Variants in TEK observed in about 807,000 individuals in gnomAD.
The protein encoded by TEK is angiopoietin-1 receptor.
In TEK, 43 loss-of-function variants were observed where a neutral mutation model predicts 131.8. The ratio of observed to expected loss-of-function variants is 0.33; its 90% confidence interval spans 0.26 to 0.42. The LOEUF (loss-of-function observed/expected upper bound fraction) is 0.42, where lower values mean the gene tolerates loss of function less well. TEK is among the 10% of genes least tolerant of loss of function. The pLI is 1.00. For missense variants in TEK, 1,162 were observed against 1,384.4 expected, an observed-to-expected ratio of 0.84 and a Z score of 2.55; for synonymous variants, 580 against 491.6, an observed-to-expected ratio of 1.18 and a Z score of -2.38.
chr9:27,143,969 C>G (rs1019436151), intron 1 of TEK, among the ~76,000 whole-genome samples: 1 of 152,144 alleles, frequency 6.6e-6, no homozygotes, highest in Non-Finnish European at 1.5e-5. Flanking sequence ...GCAATGCAGA[C>G]AGGGAGTATA....
chr9:27,206,831 G>A (rs1441752272), intron 15 of TEK, 39 bp downstream of exon 15: 1 of 1,600,330 alleles, frequency 6.2e-7, no homozygotes, highest in Admixed American at 1.7e-5. Flanking sequence ...TTGCGTGAGG[G>A]TGTGGAGAAA....
intron 20 of TEK, among the ~76,000 whole-genome samples, chr9:27,219,324 C>A (rs948581391): frequency 6.6e-6 from 1 of 152,186 alleles, no homozygotes; most frequent in Non-Finnish European, 1.5e-5. Context: ...GGAATGAGTT[C>A]GTGTCCTTTG....
chr9:27,218,923 T>A, intron 20 of TEK, 106 bp downstream of exon 20: 2 of 1,122,876 alleles, frequency 1.8e-6, no homozygotes, highest in Non-Finnish European at 2.7e-6. Context: ...TGTATGTGGT[T>A]CTACCAGATG....
At chr9:27,192,297 T>C (rs1215783988) in intron 10 of TEK, among the ~76,000 whole-genome samples, 192 bp from the exon 11 acceptor site, 3 of 152,156 alleles carry the variant, frequency 2.0e-5, no homozygotes, top group Non-Finnish European at 4.4e-5. Flanking sequence ...CATTGTAACC[T>C]GGAAACATTT....
intron 1 of TEK, among the ~76,000 whole-genome samples, chr9:27,150,026 A>G (rs12351513): frequency 0.04 from 6,118 of 152,080 alleles, 402 homozygotes; most frequent in African/African-American, 0.14. Flanking sequence ...GATATTCTCA[A>G]TTTCTCTGTC....
At chr9:27,181,301 G>A (rs977074067) in intron 7 of TEK, among the ~76,000 whole-genome samples, 1 of 151,722 alleles carries the variant, frequency 6.6e-6, no homozygotes, top group Non-Finnish European at 1.5e-5. Context: ...GGTATTTCTA[G>A]GCTACACAGT....
At chr9:27,169,273 A>T (rs1823858819) in intron 3 of TEK, among the ~76,000 whole-genome samples, 1 of 152,194 alleles carries the variant, frequency 6.6e-6, no homozygotes, top group South Asian at 2.1e-4. Flanking sequence ...CCCACAGACT[A>T]ACCTATCTGT....
At chr9:27,118,356 C>T (rs949595898) in intron 1 of TEK, among the ~76,000 whole-genome samples, 1 of 152,060 alleles carries the variant, frequency 6.6e-6, no homozygotes, top group Non-Finnish European at 1.5e-5. Flanking sequence ...AGTGACCAGC[C>T]AGGTGTGGTG....
chr9:27,121,307 C>G (rs1400177367), intron 1 of TEK, among the ~76,000 whole-genome samples: 2 of 152,116 alleles, frequency 1.3e-5, no homozygotes, highest in African/African-American at 4.8e-5. Context: ...GCCTGGGCGA[C>G]AAGAGTGAAA....
At chr9:27,151,715 G>A (rs1407372645) in intron 1 of TEK, among the ~76,000 whole-genome samples, 1 of 152,190 alleles carries the variant, frequency 6.6e-6, no homozygotes, top group Non-Finnish European at 1.5e-5. Context: ...TAAGCTACGA[G>A]ACGGTTGTAT....
rs117647624 is a variant in TEK, at chr9:27,217,223, A to T, written c.2992-465A>T. Reference sequence around the variant, plus strand: ...CCCATCTACCTAATGACACCTAAACATCTTATAGAACCATGCTGGGATATC... The same window carrying T: ...CCCATCTACCTAATGACACCTAAACTTCTTATAGAACCATGCTGGGATATC... On this transcript the variant is annotated intron_variant, in intron 18 of 22. Transcript: ENST00000380036. Among the ~76,000 whole-genome samples, 738 of 152,250 alleles carry T rather than the reference A, an allele frequency of 4.8e-3. 1 individual carries two copies. The highest frequency in any genetic ancestry group is 0.016 in the African/African-American group (685 of 41,544).
At chr9:27,173,737 G>GTTTTTTTTTTTTTTTTTTT (rs35971876) in intron 6 of TEK, among the ~76,000 whole-genome samples, 1 of 93,982 alleles carries the variant, frequency 1.1e-5, no homozygotes, top group African/African-American at 4.0e-5. Flanking sequence ...TTTTTTTTTG[G>GTTTTTTTTTTTTTTTTTTT]TTTTTTTTTT....
chr9:27,172,823 A>G, intron 5 of TEK, 76 bp downstream of exon 5: 1 of 1,586,212 alleles, frequency 6.3e-7, no homozygotes, highest in Non-Finnish European at 8.6e-7. Context: ...TTAGATCTCG[A>G]CACAGATGGG....
intron 12 of TEK, among the ~76,000 whole-genome samples, chr9:27,200,393 G>A (rs1825173751): frequency 6.6e-6 from 1 of 152,048 alleles, no homozygotes; most frequent in Non-Finnish European, 1.5e-5. Flanking sequence ...ATATTTATAG[G>A]ATTAAACAAA....
At chr9:27,116,395 T>G (rs892122992) in intron 1 of TEK, among the ~76,000 whole-genome samples, 2 of 152,106 alleles carry the variant, frequency 1.3e-5, no homozygotes, top group Non-Finnish European at 2.9e-5. Context: ...TTCAAGTGAT[T>G]CTCCCACCTC....
intron 4 of TEK, among the ~76,000 whole-genome samples, chr9:27,170,520 C>G (rs1418920665): frequency 6.6e-6 from 1 of 152,074 alleles, no homozygotes; most frequent in African/African-American, 2.4e-5. Flanking sequence ...AGCTATTTGA[C>G]AGGTTGAGGT....
chr9:27,147,838 T>C (rs7853911), intron 1 of TEK, among the ~76,000 whole-genome samples: 8,491 of 152,328 alleles, frequency 0.056, 800 homozygotes, highest in African/African-American at 0.19. Flanking sequence ...AACAACTTCA[T>C]TGAATTGTTA....
intron 1 of TEK, among the ~76,000 whole-genome samples, chr9:27,148,019 A>G (rs1192173853): frequency 6.6e-6 from 1 of 152,072 alleles, no homozygotes; most frequent in Non-Finnish European, 1.5e-5. Context: ...GGAAACAGTC[A>G]TAGTACCTAC....
chr9:27,148,483 T>C (rs1823005573), intron 1 of TEK, among the ~76,000 whole-genome samples: 1 of 152,246 alleles, frequency 6.6e-6, no homozygotes, highest in African/African-American at 2.4e-5. Flanking sequence ...TCTCATCCTC[T>C]AGCGGGTTAG....
Sources: gnomAD v4.1 joint callset for allele counts (sites outside exome capture counted in the v4.1 genomes callset) on GRCh38, gnomAD v4.1.1 for gene constraint, MANE v1.5 for transcripts, NCBI Gene and HGNC (gene_info 2026-07-23, HGNC 2026-07-21) for gene names.